Variants in AGO4 observed in about 807,000 individuals in gnomAD.
The protein encoded by AGO4 is argonaute RISC component 4, also known as protein argonaute-4.
In AGO4, 33 loss-of-function variants were observed where a neutral mutation model predicts 104.7. The observed-to-expected ratio is 0.32, with a 90% CI of 0.24 to 0.42. The LOEUF is 0.42. AGO4 is among the 10% of genes least tolerant of loss of function. The probability of loss-of-function intolerance (pLI) is 1.00; values close to 1 mark genes in which losing one functional copy is unlikely to be tolerated. For missense variants in AGO4, 711 were observed against 1,083.4 expected (o/e 0.66, Z 4.83); for synonymous variants, 331 against 364.7 (o/e 0.91, Z 1.05).
rs1644772320 is a variant in AGO4, at chr1:35,854,260, G to C, written c.*655G>C. The C allele has an allele frequency of 6.6e-6, 1 of 152,600 alleles. No homozygotes were observed. Among genetic ancestry groups the C allele is most frequent in the Admixed American group, 6.5e-5 (1 of 15,268 alleles). 9.5% of individuals were successfully genotyped at this position (152,600 alleles called of 1,614,324 possible). On this transcript the variant is annotated 3_prime_UTR_variant, in exon 18 of 18. Coordinates refer to ENST00000373210, the MANE Select transcript of AGO4 (RefSeq NM_017629.4). ...ATTTGGCTGCAGATTCAAATAGGCA[G>C]TTCTCTTATTTGGTCGACTTTTGTG...
At position 35,808,452 on chromosome 1, in the gene AGO4, G is replaced by T; in HGVS notation, c.19+17G>T. On this transcript the variant is annotated intron_variant, in intron 1 of 17. Coordinates refer to ENST00000373210, the MANE Select transcript of AGO4 (RefSeq NM_017629.4). The surrounding 1 kb of genome is among the most constrained non-coding windows in gnomAD (Gnocchi z 5.2). ...TGGGACCCGGTGAGGAGCGAGCTCG[G>T]GTCGGGGCGGGACCCGGGACCCGGG... The T allele has an allele frequency of 8.5e-7, 1 of 1,179,432 alleles. No individual in the cohort carries two copies. The allele number at this position is 1,179,432 out of a possible 1,614,324, so 73.1% of individuals were successfully genotyped here.
intron 15 of AGO4, among the ~76,000 whole-genome samples, chr1:35,844,881 T>C (rs989436953): frequency 8.5e-5 from 13 of 152,306 alleles, no homozygotes; most frequent in Admixed American, 7.9e-4. Context: ...AGAAAAACAA[T>C]CACTTGACTT....
intron 7 of AGO4, among the ~76,000 whole-genome samples, chr1:35,828,477 T>C (rs1644090116): frequency 1.3e-5 from 2 of 152,152 alleles, no homozygotes; most frequent in South Asian, 4.1e-4. Flanking sequence ...TCCAGCAGCA[T>C]ACTCCTTTCC....
intron 13 of AGO4, among the ~76,000 whole-genome samples, chr1:35,840,135 G>C (rs1209513390): frequency 1.3e-5 from 2 of 150,176 alleles, no homozygotes; most frequent in African/African-American, 2.5e-5. Flanking sequence ...GGGATTACAG[G>C]TGAGCGCCTC....
chr1:35,826,557 A>G (rs1009010558), intron 6 of AGO4, among the ~76,000 whole-genome samples, 191 bp from the exon 7 acceptor site: 1 of 152,240 alleles, frequency 6.6e-6, no homozygotes, highest in African/African-American at 2.4e-5. Context: ...GAGATTGAGC[A>G]TCTTAGGTAA....
intron 12 of AGO4, among the ~76,000 whole-genome samples, chr1:35,835,038 T>G (rs757773494): frequency 9.8e-5 from 9 of 91,550 alleles, no homozygotes; most frequent in Non-Finnish European, 1.8e-4. Flanking sequence ...TGAGGCAGGG[T>G]CCTGCTCTGT....
chr1:35,834,573 A>G (rs909443089), intron 12 of AGO4, among the ~76,000 whole-genome samples: 5 of 152,250 alleles, frequency 3.3e-5, no homozygotes, highest in Admixed American at 1.3e-4. Context: ...TTTGGTGAAA[A>G]GCACTTAGGA....
chr1:35,850,793 A>AC (rs1010715985), intron 16 of AGO4, 61 bp from the exon 17 acceptor site: 31 of 1,075,946 alleles, frequency 2.9e-5, no homozygotes, highest in East Asian at 7.9e-5. Context: ...AAAAAAAAAA[A>AC]AAAAAACAAA....
Position 35,853,399 on chromosome 1 carries a change from C to T in AGO4, c.2478-98C>T, listed in dbSNP as rs1644752591. ...TGAAACGTGTGAAGTTTGAAGTGGT[C>T]TTCTGTTACACCTGTTTTTTGTTTT... On this transcript the variant is annotated intron_variant, in intron 17 of 17. Coordinates refer to ENST00000373210, the MANE Select transcript of AGO4 (RefSeq NM_017629.4). 5 of 947,422 alleles carry T rather than the reference C, an allele frequency of 5.3e-6. No individual in the cohort carries two copies. The Admixed American group carries it at 1.3e-4, about 25-fold the overall frequency. The allele number at this position is 947,422 out of a possible 1,614,324, so 58.7% of individuals were successfully genotyped here. A position where few individuals can be genotyped will look rare whatever the true frequency, so the allele number is the denominator to read the frequency against.
chr1:35,834,453 C>T (rs1644258207), intron 12 of AGO4, among the ~76,000 whole-genome samples: 1 of 152,170 alleles, frequency 6.6e-6, no homozygotes, highest in South Asian at 2.1e-4. Context: ...AACTCCTTGG[C>T]CACAACCAGC....
chr1:35,857,249 A>G lies in AGO4; in HGVS notation c.*3644A>G, dbSNP rs1254406064. The G allele has an allele frequency of 6.6e-6, 1 of 152,222 alleles. No homozygotes were observed. The highest frequency in any genetic ancestry group is 1.9e-4 in the East Asian group (1 of 5,202). The allele number at this position is 152,222 out of a possible 1,614,324, so 9.4% of individuals were successfully genotyped here. A position where few individuals can be genotyped will look rare whatever the true frequency, so the allele number is the denominator to read the frequency against. ...GTGGTAGCTCTGCTTTCATTTTAAGAAAGTGGAGGCTGAGGGCATTGTATC... is the reference window on the plus strand; with the variant it reads ...GTGGTAGCTCTGCTTTCATTTTAAGGAAGTGGAGGCTGAGGGCATTGTATC... On this transcript the variant is annotated 3_prime_UTR_variant, in exon 18 of 18. Transcript: ENST00000373210.
At chr1:35,837,094 T>A (rs1177816585) in intron 13 of AGO4, among the ~76,000 whole-genome samples, 5 of 152,176 alleles carry the variant, frequency 3.3e-5, no homozygotes, top group African/African-American at 9.7e-5. Context: ...TTTGTTTGTT[T>A]TGTTTTGAGA....
chr1:35,831,953 A>G (rs745323370), intron 9 of AGO4, 22 bp downstream of exon 9: 2 of 1,612,120 alleles, frequency 1.2e-6, no homozygotes, highest in Non-Finnish European at 1.7e-6. Flanking sequence ...ATGGTCTTCA[A>G]GATGAGCTAG....
At position 35,848,146 on chromosome 1, in the gene AGO4, T is replaced by C. The variant is rs535553082; in HGVS notation, c.2176-2011T>C. ...ATGTATTCTGTTCCTACAGTTTTGC[T>C]TTTTCCAGCACATCATATAAATAGA... On this transcript the variant is annotated intron_variant, in intron 15 of 17. Transcript: ENST00000373210. Among the ~76,000 whole-genome samples, 4 of 152,334 alleles carry C rather than the reference T, an allele frequency of 2.6e-5. No homozygotes were observed. In the South Asian group the frequency reaches 8.3e-4, roughly 32 times the overall value.
intron 11 of AGO4, 72 bp downstream of exon 11, chr1:35,832,642 G>T: frequency 6.4e-7 from 1 of 1,555,420 alleles, no homozygotes. Flanking sequence ...ATGTGAATGT[G>T]CTGTGTACAC....
Position 35,808,424 on chromosome 1 carries a change from C to T in AGO4, c.8C>T (p.Ala3Val). Residue 3 changes from alanine (A) to valine (V), a missense_variant, in exon 1 of 18, where the codon GCG (alanine) becomes GTG (valine). Ala to Val is a moderately conservative substitution (Grantham distance 64). This residue lies in a region of AGO4 where 308 missense variants were observed against 397.8 expected (regional missense o/e 0.77). Transcript: ENST00000373210. This position sits in a 1 kb window ranked among gnomAD's most constrained non-coding sequence, Gnocchi z 5.2. ...GCGGCCCCCGCCGCCGCCATGGAGG[C>T]GCTGGGACCCGGTGAGGAGCGAGCT... ME[A>V]LGPGPPASLF... The T allele has an allele frequency of 8.6e-7, 1 of 1,164,226 alleles. No homozygotes were observed. Among genetic ancestry groups the T allele is most frequent in the South Asian group, 4.2e-5 (1 of 23,760 alleles). The allele number at this position is 1,164,226 out of a possible 1,614,324, so 72.1% of individuals were successfully genotyped here. A position where few individuals can be genotyped will look rare whatever the true frequency, so the allele number is the denominator to read the frequency against.
chr1:35,836,656 G>A lies in AGO4; in HGVS notation c.1724+663G>A, dbSNP rs1013907539. ...AATCTCCTGACCTTGTGATCCGCCC[G>A]TCTCGGCCTCCCAAAGTGCTGGGAT... On this transcript the variant is annotated intron_variant, in intron 13 of 17. Coordinates refer to ENST00000373210, the MANE Select transcript of AGO4 (RefSeq NM_017629.4). 5.9e-5 allele frequency among the ~76,000 whole-genome samples: 9 copies of A among 152,120 alleles called. No individual in the cohort carries two copies. In the South Asian group the frequency reaches 1.0e-3, roughly 18 times the overall value.
rs768986507 is a variant in AGO4 at position 35,850,953 on chromosome 1, G to A, written c.2377G>A (p.Val793Met). 6.2e-7 allele frequency: 1 copy of A among 1,614,082 alleles called. No individual in the cohort carries two copies. The highest frequency in any genetic ancestry group is 1.1e-5 in the South Asian group (1 of 91,082). Residue 793 changes from valine (V) to methionine (M), a missense_variant, in exon 17 of 18, where the codon GTG (valine) becomes ATG (methionine). Val to Met is a conservative substitution (Grantham distance 21, BLOSUM62 1). Coordinates refer to ENST00000373210, the MANE Select transcript of AGO4 (RefSeq NM_017629.4). ...GACTTACCAGCTGTGTCACACCTAT[G>A]TGAGGTGCACTCGCTCAGTCTCTAT... ...LLTYQLCHTYVRCTRSVSIPA... is the reference protein window; with the variant it reads ...LLTYQLCHTYMRCTRSVSIPA...
rs5773512 is a variant in AGO4, at chr1:35,841,811, CATATAT to C, written c.2175+83_2175+88del. ...CTCTGGCAAGAGATGTATATATGCA[CATATAT>C]ATATATATATATATATATATACACC... On this transcript the variant is annotated intron_variant, in intron 15 of 17. Transcript: ENST00000373210. This position sits in a 1 kb window ranked among gnomAD's most constrained non-coding sequence, Gnocchi z 4.7. The C allele has an allele frequency of 0.012, 7,445 of 598,850 alleles. 2 individuals carry two copies. The highest frequency in any genetic ancestry group is 0.074 in the East Asian group (1,826 of 24,690). The allele number at this position is 598,850 out of a possible 1,614,324, so 37.1% of individuals were successfully genotyped here.
Sources: gnomAD v4.1 joint callset for allele counts (sites outside exome capture counted in the v4.1 genomes callset) on GRCh38, gnomAD v4.1.1 for gene constraint, gnomAD v4.1.1 regional missense constraint, Gnocchi (gnomAD v3.1) non-coding constraint, MANE v1.5 for transcripts, NCBI Gene and HGNC (gene_info 2026-07-23, HGNC 2026-07-21) for gene names.